Variants in GPC3 observed in about 807,000 individuals in gnomAD.
GPC3 encodes glypican 3.
GPC3 carries 3 observed loss-of-function variants against 34.4 expected under a neutral mutation model. That is an observed-to-expected ratio of 0.09 (90% CI 0.04 to 0.23). The LOEUF is 0.23. Among genes scored for constraint, GPC3 ranks in the 10% least tolerant of loss-of-function variants. The pLI is 1.00. For synonymous variants in GPC3, 177 were observed against 174.0 expected, an observed-to-expected ratio of 1.02 and a Z score of -0.13; for missense variants, 351 against 445.6, an observed-to-expected ratio of 0.79 and a Z score of 1.91.
intron 6 of GPC3, among the ~76,000 whole-genome samples, chrX:133,638,373 A>G (rs1395388367): frequency 1.8e-5 from 2 of 111,322 alleles, no homozygotes; most frequent in Non-Finnish European, 3.8e-5. Context: ...TCCTTCCCAA[A>G]CACTAGTGCT....
intron 7 of GPC3, among the ~76,000 whole-genome samples, chrX:133,576,702 A>ATC (rs778613750): frequency 9.0e-6 from 1 of 111,207 alleles, no homozygotes; most frequent in East Asian, 2.8e-4. Flanking sequence ...GTAAATAACA[A>ATC]TCTGCTAGTT....
At chrX:133,865,159 T>G (rs1214253535) in intron 2 of GPC3, among the ~76,000 whole-genome samples, 12 of 112,174 alleles carry the variant, frequency 1.1e-4, no homozygotes, top group African/African-American at 3.9e-4. Flanking sequence ...AAAATAAAGA[T>G]ATTTTAATAT....
At chrX:133,705,986 G>C (rs1215030095) in intron 3 of GPC3, among the ~76,000 whole-genome samples, 1 of 111,834 alleles carries the variant, frequency 8.9e-6, no homozygotes, top group Non-Finnish European at 1.9e-5. Flanking sequence ...CTGCCTGCAG[G>C]ATGTCCCTTG....
intron 7 of GPC3, among the ~76,000 whole-genome samples, chrX:133,594,304 G>T (rs2069888074): frequency 9.0e-6 from 1 of 111,296 alleles, no homozygotes; most frequent in Non-Finnish European, 1.9e-5. Flanking sequence ...GGTGGTGGTG[G>T]TGAAGTCAGA....
At chrX:133,958,719 A>C (rs1326572995) in intron 1 of GPC3, among the ~76,000 whole-genome samples, 21 of 105,920 alleles carry the variant, frequency 2.0e-4, no homozygotes, top group Middle Eastern at 4.3e-3. Flanking sequence ...GAAAAAAAAA[A>C]AAAACAAAAA....
chrX:133,747,406 C>G (rs1223815266), intron 3 of GPC3, among the ~76,000 whole-genome samples: 1 of 111,721 alleles, frequency 9.0e-6, no homozygotes, highest in Non-Finnish European at 1.9e-5. Context: ...AATCTCATGC[C>G]TTTTAGTACT....
At chrX:133,956,462 A>T (rs2076416758) in intron 1 of GPC3, among the ~76,000 whole-genome samples, 1 of 111,916 alleles carries the variant, frequency 8.9e-6, no homozygotes, top group African/African-American at 3.2e-5. Flanking sequence ...GCTAATCTAA[A>T]TTTAAACAAT....
intron 2 of GPC3, among the ~76,000 whole-genome samples, chrX:133,910,045 T>C (rs2076190290): frequency 9.0e-6 from 1 of 111,220 alleles, no homozygotes; most frequent in African/African-American, 3.3e-5. Flanking sequence ...ATATGGCTCC[T>C]GGAGATGTGT....
chrX:133,661,535 A>G (rs1309293706), intron 6 of GPC3, among the ~76,000 whole-genome samples, 195 bp downstream of exon 6: 2 of 101,808 alleles, frequency 2.0e-5, no homozygotes, highest in African/African-American at 7.3e-5. Context: ...CCAAGAATAT[A>G]GTTTGAACAG....
intron 7 of GPC3, among the ~76,000 whole-genome samples, chrX:133,552,009 C>T (rs955058633): frequency 5.3e-5 from 6 of 112,695 alleles, no homozygotes; most frequent in Admixed American, 9.4e-5. Context: ...AAATTAAGAA[C>T]TTTCTAATAA....
intron 3 of GPC3, among the ~76,000 whole-genome samples, chrX:133,707,575 CAT>C (rs780354475): frequency 9.0e-6 from 1 of 110,832 alleles, no homozygotes; most frequent in Admixed American, 9.7e-5. Context: ...ATAATGATGA[CAT>C]GAGTCACTTC....
chrX:133,546,638 C>G (rs1174920457), intron 7 of GPC3, among the ~76,000 whole-genome samples: 3 of 111,164 alleles, frequency 2.7e-5, no homozygotes, highest in Non-Finnish European at 3.8e-5. Context: ...GATGGTTGCA[C>G]AACATTGTAA....
At chrX:133,685,579 T>C (rs756223490) in intron 5 of GPC3, among the ~76,000 whole-genome samples, 1 of 109,671 alleles carries the variant, frequency 9.1e-6, no homozygotes, top group African/African-American at 3.3e-5. Flanking sequence ...TATATATATA[T>C]ATATAAAATT....
intron 7 of GPC3, among the ~76,000 whole-genome samples, chrX:133,539,915 C>T (rs111853127): frequency 8.9e-6 from 1 of 112,341 alleles, no homozygotes; most frequent in African/African-American, 3.2e-5. Flanking sequence ...CATTTCTGGA[C>T]AGGGGAAATG....
intron 5 of GPC3, among the ~76,000 whole-genome samples, chrX:133,689,618 C>G (rs2071042812): frequency 8.9e-6 from 1 of 112,173 alleles, no homozygotes; most frequent in African/African-American, 3.2e-5. Flanking sequence ...ATAAATCCAG[C>G]AGGGTTATAA....
intron 2 of GPC3, among the ~76,000 whole-genome samples, chrX:133,936,482 T>C (rs1053995296): frequency 9.0e-6 from 1 of 111,073 alleles, no homozygotes; most frequent in African/African-American, 3.3e-5. Context: ...GGATAAAACA[T>C]ATCACAGCTC....
At chrX:133,863,817 G>A (rs996130837) in intron 2 of GPC3, among the ~76,000 whole-genome samples, 14 of 101,996 alleles carry the variant, frequency 1.4e-4, no homozygotes, top group East Asian at 1.2e-3. Context: ...CACCGCGCCC[G>A]GCTAATTTTT....
At position 133,938,755 on chromosome X, in the gene GPC3, T is replaced by A. The variant is rs967927856; in HGVS notation, c.337+14295A>T. On this transcript the variant is annotated intron_variant, in intron 2 of 7. Coordinates refer to ENST00000370818, the MANE Select transcript of GPC3 (RefSeq NM_004484.4). The stretch of plus-strand genomic sequence containing the variant: ...CAGCATTTATTGCCTGTATAGTTAA[T>A]GTACAAACATATGTTTGCACTGTTA... 2.7e-5 allele frequency among the ~76,000 whole-genome samples: 3 copies of A among 112,186 alleles called. No homozygotes were observed. The Admixed American group carries it at 2.8e-4, about 11-fold the overall frequency.
intron 2 of GPC3, among the ~76,000 whole-genome samples, chrX:133,884,845 T>C (rs890174914): frequency 1.8e-5 from 2 of 112,011 alleles, no homozygotes; most frequent in Non-Finnish European, 3.8e-5. Flanking sequence ...GAACTATTGA[T>C]TGATTATGTT....
Sources: gnomAD v4.1 joint callset for allele counts (sites outside exome capture counted in the v4.1 genomes callset) on GRCh38, gnomAD v4.1.1 for gene constraint, MANE v1.5 for transcripts, NCBI Gene and HGNC (gene_info 2026-07-23, HGNC 2026-07-21) for gene names.